The following RSPO2 variants were observed in gnomAD, a reference collection of about 807,000 sequenced individuals.
RSPO2 encodes R-spondin-2.
RSPO2 carries 14 observed loss-of-function variants against 30.9 expected under a neutral mutation model. The observed-to-expected ratio is 0.45, with a 90% CI of 0.30 to 0.71. The LOEUF (loss-of-function observed/expected upper bound fraction) is 0.71, where lower values mean the gene tolerates loss of function less well. Among genes scored for constraint, RSPO2 ranks in the 30% least tolerant of loss-of-function variants. The pLI, the probability that RSPO2 is intolerant of heterozygous loss-of-function variation, is 0.08. For synonymous variants in RSPO2, 107 were observed against 96.4 expected (o/e 1.11, Z -0.64); for missense variants, 264 against 301.9 (o/e 0.87, Z 0.93).
intron 2 of RSPO2, among the ~76,000 whole-genome samples, chr8:108,034,973 C>T (rs1369241357): frequency 2.6e-5 from 4 of 152,188 alleles, no homozygotes; most frequent in African/African-American, 9.7e-5. Flanking sequence ...TATCATAACA[C>T]ATAAATGTTT....
chr8:107,997,063 C>T (rs1429836626), intron 2 of RSPO2: 2 of 216,216 alleles, frequency 9.3e-6, no homozygotes. Context: ...GGACAAGAGC[C>T]CATGTGATTT....
At chr8:108,062,478 C>T (rs1404608840) in intron 2 of RSPO2, among the ~76,000 whole-genome samples, 2 of 151,788 alleles carry the variant, frequency 1.3e-5, no homozygotes, top group Non-Finnish European at 2.9e-5. Flanking sequence ...CCTCCCAAGA[C>T]TAAACCAGGA....
chr8:108,075,939 T>C (rs1380792225), intron 2 of RSPO2, among the ~76,000 whole-genome samples: 1 of 152,164 alleles, frequency 6.6e-6, no homozygotes, highest in Non-Finnish European at 1.5e-5. Context: ...GTACCGTAGT[T>C]CTGCCTAAGA....
In RSPO2 at chr8:108,082,745, T is replaced by A. The variant is rs372398034; in HGVS notation, c.-107A>T. The A allele has an allele frequency of 1.3e-5, 11 of 836,524 alleles. No homozygotes were observed. Among genetic ancestry groups the A allele is most frequent in the Middle Eastern group, 2.5e-4 (1 of 3,950 alleles). 51.8% of individuals were successfully genotyped at this position (836,524 alleles called of 1,614,324 possible). ...TGCTGGGGAGGACTCAGAGGGAGACTCGCCACTCACCCCCGGGCCGCACCG... is the reference window on the plus strand; with the variant it reads ...TGCTGGGGAGGACTCAGAGGGAGACACGCCACTCACCCCCGGGCCGCACCG... On this transcript the variant is annotated 5_prime_UTR_variant, in exon 2 of 6. Transcript: ENST00000276659.
intron 2 of RSPO2, among the ~76,000 whole-genome samples, chr8:108,040,976 G>C (rs1167153839): frequency 1.3e-5 from 2 of 152,070 alleles, no homozygotes; most frequent in African/African-American, 4.8e-5. Context: ...TTGGAGACAT[G>C]GGTTTTTACA....
rs561133963 is a variant in RSPO2 at position 108,016,225 on chromosome 8, T to C, written c.95-26981A>G. Among the ~76,000 whole-genome samples, 5 of 152,334 alleles carry C rather than the reference T, an allele frequency of 3.3e-5. No homozygotes were observed. The East Asian group carries it at 9.6e-4, about 29-fold the overall frequency. Reference sequence around the variant, plus strand: ...ATATATATATCCCAGGTATCCTTTCTTGGTAAGCTATTAAAGGATATATGC... The same window carrying C: ...ATATATATATCCCAGGTATCCTTTCCTGGTAAGCTATTAAAGGATATATGC... On this transcript the variant is annotated intron_variant, in intron 2 of 5. Transcript: ENST00000276659.
chr8:108,012,413 C>T lies in RSPO2; in HGVS notation c.95-23169G>A, dbSNP rs550327070. Among the ~76,000 whole-genome samples, 9 of 152,304 alleles carry T rather than the reference C, an allele frequency of 5.9e-5. No homozygotes were observed. In the South Asian group the frequency reaches 1.7e-3, roughly 28 times the overall value. On this transcript the variant is annotated intron_variant, in intron 2 of 5. Coordinates refer to ENST00000276659, the MANE Select transcript of RSPO2 (RefSeq NM_178565.5). Reference sequence around the variant, plus strand: ...TTGATTCCTACACATTGCTGTAAGGCATTCAGATCAAAGTTTTGAATTCAG... The same window carrying T: ...TTGATTCCTACACATTGCTGTAAGGTATTCAGATCAAAGTTTTGAATTCAG...
chr8:108,044,720 G>A (rs1038186537), intron 2 of RSPO2, among the ~76,000 whole-genome samples: 1 of 151,944 alleles, frequency 6.6e-6, no homozygotes, highest in Non-Finnish European at 1.5e-5. Context: ...GGGTATATAC[G>A]TGGTAATGAT....
intron 3 of RSPO2, among the ~76,000 whole-genome samples, chr8:107,967,741 T>C (rs1813855202): frequency 6.6e-6 from 1 of 152,128 alleles, no homozygotes; most frequent in Non-Finnish European, 1.5e-5. Flanking sequence ...CTATGTCAAA[T>C]GCAGAACAGG....
intron 3 of RSPO2, among the ~76,000 whole-genome samples, chr8:107,979,671 A>ATAAT (rs1814354210): frequency 6.6e-6 from 1 of 152,084 alleles, no homozygotes; most frequent in African/African-American, 2.4e-5. Flanking sequence ...AACTTAAATA[A>ATAAT]TAATTAAAAA....
rs1812431247 is a variant in RSPO2, at chr8:107,927,806, T to TC, written c.617-26617_617-26616insG. On this transcript the variant is annotated intron_variant, in intron 5 of 5. Coordinates refer to ENST00000276659, the MANE Select transcript of RSPO2 (RefSeq NM_178565.5). ...CTGCTGGATTCGGTTTTCCAGTATT[T>TC]TATTGAGGATTTTTGTATCGATGTT... is the stretch of plus-strand genomic sequence containing the variant. Among the ~76,000 whole-genome samples, 5 of 150,042 alleles carry TC rather than the reference T, an allele frequency of 3.3e-5. No homozygotes were observed. The Admixed American group carries it at 3.4e-4, about 10-fold the overall frequency.
chr8:108,044,681 A>G (rs565695524), intron 2 of RSPO2, among the ~76,000 whole-genome samples: 1 of 152,120 alleles, frequency 6.6e-6, no homozygotes, highest in South Asian at 2.1e-4. Context: ...ATACATGTGC[A>G]TGTGTCTTTT....
At chr8:108,079,929 G>C (rs1449619135) in intron 2 of RSPO2, among the ~76,000 whole-genome samples, 9 of 152,208 alleles carry the variant, frequency 5.9e-5, no homozygotes, top group African/African-American at 2.2e-4. Flanking sequence ...CATGTCAACT[G>C]TCACTGCTGA....
At chr8:107,998,388 A>C (rs535005429) in intron 2 of RSPO2, among the ~76,000 whole-genome samples, 20 of 152,300 alleles carry the variant, frequency 1.3e-4, no homozygotes, top group Non-Finnish European at 2.8e-4. Flanking sequence ...AAACTCAATT[A>C]AGCAATCAAC....
chr8:107,926,325 C>T (rs1397195442), intron 5 of RSPO2, among the ~76,000 whole-genome samples: 1 of 152,012 alleles, frequency 6.6e-6, no homozygotes, highest in Admixed American at 6.5e-5. Flanking sequence ...GAGTAGATTG[C>T]AAAAATTTTC....
Position 107,926,339 on chromosome 8 carries a change from T to C in RSPO2, c.617-25149A>G, listed in dbSNP as rs569922029. Among the ~76,000 whole-genome samples the C allele has an allele frequency of 3.8e-3, 577 of 151,996 alleles. 6 individuals are homozygous for C. The highest frequency in any genetic ancestry group is 0.013 in the African/African-American group (548 of 41,334). On this transcript the variant is annotated intron_variant, in intron 5 of 5. Transcript: ENST00000276659. ...TGAGTAGATTGCAAAAATTTTCTCC[T>C]ATTCTGTAGGTTGCCTGTTCACTCT...
At chr8:108,040,851 G>A (rs1346991895) in intron 2 of RSPO2, among the ~76,000 whole-genome samples, 1 of 152,124 alleles carries the variant, frequency 6.6e-6, no homozygotes, top group African/African-American at 2.4e-5. Flanking sequence ...GGTAACAGAT[G>A]GGGTGTGGAG....
At position 107,900,369 on chromosome 8, in the gene RSPO2, A is replaced by G. The variant is rs1811414101; in HGVS notation, c.*706T>C. ...AAAAAAAAGTTTCAAGAGGCAACAA[A>G]ACAAGTGTCAATTCCCCAAACTAGA... On this transcript the variant is annotated 3_prime_UTR_variant, in exon 6 of 6. Coordinates refer to ENST00000276659, the MANE Select transcript of RSPO2 (RefSeq NM_178565.5). 6.6e-6 allele frequency: 1 copy of G among 152,470 alleles called. No individual in the cohort carries two copies. The highest frequency in any genetic ancestry group is 1.9e-4 in the East Asian group (1 of 5,196). 9.4% of individuals were successfully genotyped at this position (152,470 alleles called of 1,614,324 possible). A position where few individuals can be genotyped will look rare whatever the true frequency, so the allele number is the denominator to read the frequency against.
Position 108,048,288 on chromosome 8 carries a change from G to C in RSPO2, c.94+34257C>G, listed in dbSNP as rs183311863. The stretch of plus-strand genomic sequence containing the variant: ...TTAAGAAAGCCAACTCCAGAACACT[G>C]ACAAGGGGGAGTGGAGCTAAGCTGT... On this transcript the variant is annotated intron_variant, in intron 2 of 5. Coordinates refer to ENST00000276659, the MANE Select transcript of RSPO2 (RefSeq NM_178565.5). Among the ~76,000 whole-genome samples the C allele has an allele frequency of 4.4e-4, 67 of 151,942 alleles. No homozygotes were observed. In the East Asian group the frequency reaches 0.012, roughly 28 times the overall value.
Sources: gnomAD v4.1 joint callset for allele counts (sites outside exome capture counted in the v4.1 genomes callset) on GRCh38, gnomAD v4.1.1 for gene constraint, MANE v1.5 for transcripts, NCBI Gene and HGNC (gene_info 2026-07-23, HGNC 2026-07-21) for gene names.